MRPL14: variants seen among roughly 807,000 people sequenced by gnomAD.
MRPL14 encodes the protein large ribosomal subunit protein uL14m.
MRPL14 carries 8 observed loss-of-function variants against 10.9 expected under a neutral mutation model. The ratio of observed to expected loss-of-function variants is 0.74; its 90% CI spans 0.43 to 1.33. MRPL14 has a LOEUF of 1.33. MRPL14 is among the 40% of genes most tolerant of loss of function. The pLI is 0.01. For missense variants in MRPL14, 179 were observed against 194.5 expected, an observed-to-expected ratio of 0.92 and a Z score of 0.47; for synonymous variants, 82 against 74.1, an observed-to-expected ratio of 1.11 and a Z score of -0.54.
rs7739317 is a variant in MRPL14 at position 44,122,085 on chromosome 6, C to A, written c.-19+5259G>T. ...CATAGGCACAGAGAGCTCTTCCCCC[C>A]CCTCTTTTTTTTTTGGAGACGGAGT... On this transcript the variant is annotated intron_variant, in intron 1 of 2. Coordinates refer to ENST00000372014, the MANE Select transcript of MRPL14 (RefSeq NM_032111.4). Among the ~76,000 whole-genome samples, 222 of 148,998 alleles carry A rather than the reference C, an allele frequency of 1.5e-3. 2 individuals carry two copies. In the East Asian group the frequency reaches 0.018, roughly 12 times the overall value.
At chr6:44,115,149 G>A (rs9472217) in intron 2 of MRPL14, among the ~76,000 whole-genome samples, 1 of 151,734 alleles carries the variant, frequency 6.6e-6, no homozygotes, top group Non-Finnish European at 1.5e-5. Context: ...AGCACCTGAT[G>A]CTGGTGTTTC....
chr6:44,126,453 C>T (rs1366412508), intron 1 of MRPL14, among the ~76,000 whole-genome samples: 1 of 152,250 alleles, frequency 6.6e-6, no homozygotes, highest in Non-Finnish European at 1.5e-5. Context: ...CGCTGACCAA[C>T]TACAAGATCC....
chr6:44,121,690 A>C (rs1419304940), intron 1 of MRPL14, among the ~76,000 whole-genome samples: 1 of 152,218 alleles, frequency 6.6e-6, no homozygotes, highest in Non-Finnish European at 1.5e-5. Context: ...CTATAATCCC[A>C]ACACTTTGGG....
At chr6:44,117,304 T>C (rs1280204880) in intron 1 of MRPL14, among the ~76,000 whole-genome samples, 1 of 152,162 alleles carries the variant, frequency 6.6e-6, no homozygotes, top group Admixed American at 6.5e-5. Context: ...AAGAGTTAGC[T>C]AAAAGAGCAA....
At chr6:44,116,404 G>T in intron 2 of MRPL14, 137 bp downstream of exon 2, 1 of 827,296 alleles carries the variant, frequency 1.2e-6, no homozygotes, top group Admixed American at 2.0e-5. Context: ...GGCCAGCTCA[G>T]CCTGATCACT....
chr6:44,113,878 A>G lies in MRPL14; in HGVS notation c.403T>C (p.Ser135Pro), dbSNP rs201282910. The G allele has an allele frequency of 1.3e-6, 2 of 1,592,242 alleles. No individual in the cohort carries two copies. Among genetic ancestry groups the G allele is most frequent in the Non-Finnish European group, 1.7e-6 (2 of 1,165,536 alleles). Reference sequence around the variant, plus strand: ...TTCTGAGCAATGGCCAGCACCTTGGAATACTCGCCTTCCCGCTTGCGCAGG... The same window carrying G: ...TTCTGAGCAATGGCCAGCACCTTGGGATACTCGCCTTCCCGCTTGCGCAGG... ...TSLRKREGEY[S>P]KVLAIAQNFV The change falls in exon 3 of 3, where the codon TCC becomes CCC. Residue 135 changes from serine (S) to proline (P), a missense_variant. By Grantham distance (74) the Ser-to-Pro change is moderately conservative (BLOSUM62 -1). Coordinates refer to ENST00000372014, the MANE Select transcript of MRPL14 (RefSeq NM_032111.4).
intron 2 of MRPL14, among the ~76,000 whole-genome samples, chr6:44,115,003 T>A (rs1169470741): frequency 6.6e-6 from 1 of 152,162 alleles, no homozygotes; most frequent in Non-Finnish European, 1.5e-5. Context: ...AAACTGGTAA[T>A]AAGTCAAGGT....
intron 1 of MRPL14, among the ~76,000 whole-genome samples, chr6:44,122,087 CT>C (rs1409866056): frequency 1.4e-5 from 2 of 147,434 alleles, no homozygotes; most frequent in African/African-American, 2.5e-5. Flanking sequence ...CTTCCCCCCC[CT>C]CTTTTTTTTT....
chr6:44,114,900 C>T (rs1452510382), intron 2 of MRPL14, among the ~76,000 whole-genome samples: 2 of 152,194 alleles, frequency 1.3e-5, no homozygotes, highest in Admixed American at 6.5e-5. Flanking sequence ...TGAGCCACCG[C>T]GCCCGGTCCC....
intron 1 of MRPL14, among the ~76,000 whole-genome samples, chr6:44,118,860 A>C (rs983778783): frequency 6.6e-6 from 1 of 152,204 alleles, no homozygotes; most frequent in Non-Finnish European, 1.5e-5. Context: ...GCTACTCAGG[A>C]AGCTGAGGCA....
chr6:44,116,253 G>A (rs72855987), intron 2 of MRPL14, among the ~76,000 whole-genome samples: 9,962 of 152,260 alleles, frequency 0.065, 532 homozygotes, highest in East Asian at 0.23. Context: ...GGGAATGATA[G>A]GGTTGAGAGA....
chr6:44,115,175 G>A (rs1775719393), intron 2 of MRPL14, among the ~76,000 whole-genome samples: 1 of 116,936 alleles, frequency 8.6e-6, no homozygotes, highest in African/African-American at 3.9e-5. Context: ...GGTAATCCTA[G>A]GACCTCTTCT....
At position 44,122,233 on chromosome 6, in the gene MRPL14, C is replaced by T. The variant is rs369335031; in HGVS notation, c.-19+5111G>A. On this transcript the variant is annotated intron_variant, in intron 1 of 2. Coordinates refer to ENST00000372014, the MANE Select transcript of MRPL14 (RefSeq NM_032111.4). Reference sequence around the variant, plus strand: ...AAGTAGCTGGGACTACAGGCGCCTGCCACCAACCCCAGCTAATTTTTTGTA... The same window carrying T: ...AAGTAGCTGGGACTACAGGCGCCTGTCACCAACCCCAGCTAATTTTTTGTA... Among the ~76,000 whole-genome samples, 3 of 152,284 alleles carry T rather than the reference C, an allele frequency of 2.0e-5. No individual in the cohort carries two copies. In the East Asian group the frequency reaches 5.8e-4, roughly 30 times the overall value.
rs376776380 is a variant in MRPL14 at position 44,113,671 on chromosome 6, C to A, written c.*172G>T. The A allele has an allele frequency of 3.4e-4, 231 of 685,506 alleles. No individual in the cohort carries two copies. The African/African-American group carries it at 3.5e-3, about 10-fold the overall frequency. The allele number at this position is 685,506 out of a possible 1,614,324, so 42.5% of individuals were successfully genotyped here. On this transcript the variant is annotated 3_prime_UTR_variant, in exon 3 of 3. Transcript: ENST00000372014. The stretch of plus-strand genomic sequence containing the variant: ...TCAGTGTAATTTATTTTCCCACATC[C>A]CAGAAAGCTCTGGAAAAACACATAA...
chr6:44,116,688 T>G, intron 1 of MRPL14, 59 bp from the exon 2 acceptor site: 1 of 1,219,174 alleles, frequency 8.2e-7, no homozygotes. Flanking sequence ...TTAAAGCCAG[T>G]TTTCTTTGGG....
chr6:44,126,327 C>T (rs1777038740), intron 1 of MRPL14, among the ~76,000 whole-genome samples: 1 of 152,242 alleles, frequency 6.6e-6, no homozygotes, highest in South Asian at 2.1e-4. Flanking sequence ...ATCTACTAAA[C>T]TGATTTCCAA....
At position 44,116,524 on chromosome 6, in the gene MRPL14, T is replaced by G. The variant is rs1360443269; in HGVS notation, c.71+17A>C. 20 of 1,613,550 alleles carry G rather than the reference T, an allele frequency of 1.2e-5. No homozygotes were observed. The highest frequency in any genetic ancestry group is 1.7e-5 in the Non-Finnish European group (20 of 1,179,626). ...TACACAAAGACACAGTTTTAAGAAC[T>G]TAATGGGAAAAGTTACCTGAAACAG... is the stretch of plus-strand genomic sequence containing the variant. On this transcript the variant is annotated intron_variant, in intron 2 of 2. Coordinates refer to ENST00000372014, the MANE Select transcript of MRPL14 (RefSeq NM_032111.4).
chr6:44,114,076 C>T lies in MRPL14; in HGVS notation c.205G>A (p.Val69Met). 9 of 1,614,204 alleles carry T rather than the reference C, an allele frequency of 5.6e-6. No homozygotes were observed. Among genetic ancestry groups the T allele is most frequent in the Non-Finnish European group, 7.6e-6 (9 of 1,180,036 alleles). Residue 69 changes from valine to methionine, a missense_variant, in exon 3 of 3, where the codon GTG becomes ATG. Physicochemically the swap from Val to Met is conservative, Grantham distance 21. Coordinates refer to ENST00000372014, the MANE Select transcript of MRPL14 (RefSeq NM_032111.4). ...HVYKKNGVGK[V>M]GDQILLAIKG... ...ATGGCCAGTAGTATCTGGTCGCCCA[C>T]CTTGCCCACTCCATTCTTCTTATAG...
Position 44,126,489 on chromosome 6 carries a change from T to C in MRPL14, c.-19+855A>G, listed in dbSNP as rs546816726. ...AAACCCCCCAGGTGGGCAGTGTCCT[T>C]CTGTTCAGCAGTGGCAGTTCCCCAC... is the stretch of plus-strand genomic sequence containing the variant. On this transcript the variant is annotated intron_variant, in intron 1 of 2. Transcript: ENST00000372014. Among the ~76,000 whole-genome samples the C allele has an allele frequency of 5.3e-5, 8 of 152,298 alleles. No homozygotes were observed. In the South Asian group the frequency reaches 1.7e-3, roughly 32 times the overall value.
Sources: allele counts gnomAD v4.1 joint callset (sites outside exome capture counted in the v4.1 genomes callset), GRCh38; gene constraint gnomAD v4.1.1; transcripts MANE v1.5; gene names NCBI Gene and HGNC (gene_info 2026-07-23, HGNC 2026-07-21).